CTNNA2: variants seen among roughly 807,000 people sequenced by gnomAD.
The protein encoded by CTNNA2 is catenin alpha-2.
CTNNA2 carries 42 observed loss-of-function variants against 101.0 expected under a neutral mutation model. That is an observed-to-expected ratio of 0.42 (90% CI 0.32 to 0.54). CTNNA2 has a LOEUF of 0.54. Ranked by LOEUF, CTNNA2 falls within the 20% of genes least tolerant of loss-of-function variation. CTNNA2 has a pLI of 0.14. For missense variants in CTNNA2, 871 were observed against 1,223.1 expected (o/e 0.71, Z 4.29); for synonymous variants, 450 against 456.4 (o/e 0.99, Z 0.18).
At chr2:79,720,644 G>C (rs888005625) in intron 2 of CTNNA2, among the ~76,000 whole-genome samples, 2 of 151,860 alleles carry the variant, frequency 1.3e-5, no homozygotes, top group African/African-American at 4.8e-5. Context: ...CATTTTCTTT[G>C]TGACTTTGTA....
chr2:80,044,313 G>A (rs1696373297), intron 7 of CTNNA2, among the ~76,000 whole-genome samples: 1 of 152,080 alleles, frequency 6.6e-6, no homozygotes, highest in Admixed American at 6.5e-5. Context: ...ATAGGTTTTT[G>A]CTGTATGATG....
In CTNNA2 at chr2:79,858,091, C is replaced by A; in HGVS notation, c.377C>A (p.Ala126Glu). 6.2e-7 allele frequency: 1 copy of A among 1,614,122 alleles called. No homozygotes were observed. The highest frequency in any genetic ancestry group is 1.1e-5 in the South Asian group (1 of 91,076). Residue 126 changes from alanine to glutamate, a missense_variant, in exon 4 of 19, where the codon GCG (alanine) becomes GAG (glutamate). Coordinates refer to ENST00000402739, the MANE Select transcript of CTNNA2 (RefSeq NM_001282597.3). ...GTAAAGCGCGGCACCATGGTACGGGCGGCAAGGGCTTTGCTCTCCGCGGTG... is the reference window on the plus strand; with the variant it reads ...GTAAAGCGCGGCACCATGGTACGGGAGGCAAGGGCTTTGCTCTCCGCGGTG... ...SSVKRGTMVR[A>E]ARALLSAVTR...
intron 7 of CTNNA2, among the ~76,000 whole-genome samples, chr2:79,973,837 G>A (rs1401237996): frequency 2.6e-5 from 4 of 152,214 alleles, no homozygotes; most frequent in African/African-American, 4.8e-5. Context: ...CAGTTGCTGG[G>A]CTTGTGTCTT....
intron 7 of CTNNA2, among the ~76,000 whole-genome samples, chr2:80,004,883 A>C (rs1017009238): frequency 6.6e-6 from 1 of 151,992 alleles, no homozygotes; most frequent in Non-Finnish European, 1.5e-5. Context: ...TTGTATTTTT[A>C]GTAGAGATGG....
chr2:79,618,640 C>T (rs1678797672), intron 1 of CTNNA2, among the ~76,000 whole-genome samples: 1 of 151,942 alleles, frequency 6.6e-6, no homozygotes, highest in Admixed American at 6.5e-5. Flanking sequence ...AAGTCCCATT[C>T]TGTAACTTAA....
chr2:80,243,455 T>C (rs771760105), intron 7 of CTNNA2, among the ~76,000 whole-genome samples: 9 of 152,216 alleles, frequency 5.9e-5, no homozygotes, highest in Non-Finnish European at 1.3e-4. Context: ...AGGCAACGAC[T>C]GATCTGTTTT....
intron 18 of CTNNA2, among the ~76,000 whole-genome samples, chr2:80,639,295 C>T (rs533631878): frequency 2.6e-4 from 40 of 152,190 alleles, no homozygotes; most frequent in African/African-American, 8.2e-4. Context: ...CTACAACCTC[C>T]GCCTCCTGGG....
chr2:79,268,112 A>T (rs565639550), intron 2 of CTNNA2, among the ~76,000 whole-genome samples: 1 of 152,114 alleles, frequency 6.6e-6, no homozygotes, highest in Non-Finnish European at 1.5e-5. Context: ...CCCTGTAGGC[A>T]GGGGCCTGAT....
chr2:79,342,294 A>C (rs970823918), intron 3 of CTNNA2, among the ~76,000 whole-genome samples: 4 of 152,226 alleles, frequency 2.6e-5, no homozygotes, highest in Non-Finnish European at 4.4e-5. Context: ...ATAAAATACC[A>C]GCTCCAACTG....
At chr2:80,444,270 TA>T (rs201370267) in intron 9 of CTNNA2, among the ~76,000 whole-genome samples, 2,301 of 152,280 alleles carry the variant, frequency 0.015, 43 homozygotes, top group African/African-American at 0.052. Context: ...AAGTATTAAT[TA>T]GGCCATGAAG....
At chr2:79,801,692 A>G (rs1039618814) in intron 3 of CTNNA2, among the ~76,000 whole-genome samples, 4 of 152,092 alleles carry the variant, frequency 2.6e-5, no homozygotes, top group Non-Finnish European at 5.9e-5. Context: ...TCTAATCCAT[A>G]GAGTAAAAGC....
Position 79,909,696 on chromosome 2 carries a change from G to A in CTNNA2, c.955G>A (p.Asp319Asn), listed in dbSNP as rs2104322648. 6.2e-7 allele frequency: 1 copy of A among 1,613,956 alleles called. No homozygotes were observed. Among genetic ancestry groups the A allele is most frequent in the Non-Finnish European group, 8.5e-7 (1 of 1,179,920 alleles). ...CATCAGCGGCGCAGCGCTGATGGCC[G>A]ACTCCTCCTGCACGCGAGACGACCG... ...SIISGAALMA[D>N]SSCTRDDRRE... Residue 319 changes from aspartate to asparagine, a missense_variant, in exon 7 of 19, where the codon GAC (aspartate) becomes AAC (asparagine). By Grantham distance (23) the Asp-to-Asn change is conservative. Transcript: ENST00000402739.
chr2:80,602,412 A>G (rs1434070), intron 15 of CTNNA2, among the ~76,000 whole-genome samples: 3,695 of 152,156 alleles, frequency 0.024, 97 homozygotes, highest in South Asian at 0.13. Context: ...ATTTTCCAAG[A>G]TCCTTTGAAA....
intron 1 of CTNNA2, among the ~76,000 whole-genome samples, chr2:79,530,613 A>G: frequency 6.6e-6 from 1 of 152,160 alleles, no homozygotes. Context: ...AGGTTAAAGA[A>G]TAGAGAGGCC....
intron 1 of CTNNA2, among the ~76,000 whole-genome samples, chr2:79,630,630 T>C (rs1679627335): frequency 6.6e-6 from 1 of 152,206 alleles, no homozygotes; most frequent in Non-Finnish European, 1.5e-5. Flanking sequence ...GGGATAACTT[T>C]GTTTATTTGT....
At chr2:79,745,486 A>C (rs887103269) in intron 3 of CTNNA2, among the ~76,000 whole-genome samples, 1 of 152,080 alleles carries the variant, frequency 6.6e-6, no homozygotes, top group Non-Finnish European at 1.5e-5. Flanking sequence ...GTAAGTGTAC[A>C]GTTCAATACT....
At chr2:80,584,442 G>A (rs751266449) in intron 14 of CTNNA2, among the ~76,000 whole-genome samples, 5 of 148,368 alleles carry the variant, frequency 3.4e-5, no homozygotes, top group Non-Finnish European at 7.4e-5. Flanking sequence ...GGCGGGGGGC[G>A]GTTTAGGAGG....
intron 7 of CTNNA2, among the ~76,000 whole-genome samples, chr2:80,177,173 G>C (rs1179306028): frequency 1.3e-5 from 2 of 152,168 alleles, no homozygotes. Flanking sequence ...CAAGCCCACT[G>C]CTGCACTTCT....
At chr2:79,331,974 G>A (rs1408210165) in intron 3 of CTNNA2, among the ~76,000 whole-genome samples, 1 of 152,082 alleles carries the variant, frequency 6.6e-6, no homozygotes, top group Non-Finnish European at 1.5e-5. Context: ...CTGACCATAG[G>A]TTCTGTTTTA....
Sources: gnomAD v4.1 joint callset for allele counts (sites outside exome capture counted in the v4.1 genomes callset) on GRCh38, gnomAD v4.1.1 for gene constraint, MANE v1.5 for transcripts, NCBI Gene and HGNC (gene_info 2026-07-23, HGNC 2026-07-21) for gene names.